The following KMT2E variants were observed in gnomAD, a reference collection of about 807,000 sequenced individuals.
KMT2E encodes the protein histone reader KMT2E.
Under a neutral mutation model 184.6 loss-of-function variants are expected in KMT2E, and 30 were observed. The ratio of observed to expected loss-of-function variants is 0.16; its 90% CI spans 0.12 to 0.22. The LOEUF is 0.22. Ranked by LOEUF, KMT2E falls within the 10% of genes least tolerant of loss-of-function variation. The pLI is 1.00. For missense variants in KMT2E, 2,023 were observed against 2,237.4 expected (o/e 0.90, Z 1.93); for synonymous variants, 815 against 776.5 (o/e 1.05, Z -0.82).
intron 3 of KMT2E, among the ~76,000 whole-genome samples, chr7:105,045,102 T>C (rs1398481777): frequency 6.6e-6 from 1 of 152,234 alleles, no homozygotes; most frequent in Non-Finnish European, 1.5e-5. Context: ...GATGTCCAAA[T>C]CCTTATGGTG....
intron 13 of KMT2E, among the ~76,000 whole-genome samples, chr7:105,082,983 T>A (rs1797817386): frequency 6.6e-6 from 1 of 152,208 alleles, no homozygotes; most frequent in African/African-American, 2.4e-5. Context: ...ATTTCTCTGG[T>A]GTGGTGTCTA....
chr7:105,105,828 C>G (rs1476118112), intron 18 of KMT2E, 31 bp from the exon 19 acceptor site: 1 of 1,596,852 alleles, frequency 6.3e-7, no homozygotes, highest in Admixed American at 1.8e-5. Flanking sequence ...CAAAGTGATT[C>G]CTGTTCATTC....
chr7:105,075,928 A>T lies in KMT2E; in HGVS notation c.730-115A>T, dbSNP rs1797507940. ...TCTCCTAGTGTCAGCTTTCTTGGTT[A>T]CCAAATTTTTTGTTATGACACTTCA... On this transcript the variant is annotated intron_variant, in intron 8 of 26. Transcript: ENST00000311117. 9.4e-6 allele frequency: 7 copies of T among 741,548 alleles called. No homozygotes were observed. The South Asian group carries it at 1.1e-4, about 12-fold the overall frequency. The allele number at this position is 741,548 out of a possible 1,614,324, so 45.9% of individuals were successfully genotyped here.
chr7:105,062,379 G>C, intron 4 of KMT2E, 101 bp downstream of exon 4: 2 of 665,868 alleles, frequency 3.0e-6, no homozygotes, highest in Non-Finnish European at 5.0e-6. Context: ...GAAAAGCATG[G>C]TTGTTTCATA....
rs540333731 is a variant in KMT2E, at chr7:105,107,636, G to A, written c.3179G>A (p.Arg1060Gln). ...NSQLDSTHSG[R>Q]GTMYSSWVKS... ...CAACTGGACTCGACTCACTCTGGAC[G>A]GGGCACAATGTATTCTTCCTGGGTA... Residue 1060 changes from arginine to glutamine, a missense_variant, in exon 22 of 27, where the codon CGG becomes CAG. Physicochemically the swap from Arg to Gln is conservative, Grantham distance 43. Transcript: ENST00000311117. 3 of 1,614,122 alleles carry A rather than the reference G, an allele frequency of 1.9e-6. No homozygotes were observed. Among genetic ancestry groups the A allele is most frequent in the South Asian group, 2.2e-5 (2 of 91,080 alleles).
intron 6 of KMT2E, among the ~76,000 whole-genome samples, chr7:105,071,608 ATTTTTTTTTTTTTTT>A (rs869055986): frequency 1.3e-4 from 4 of 31,878 alleles, no homozygotes; most frequent in Admixed American, 5.1e-4. Flanking sequence ...ATATATATAT[ATTTTTTTTTTTTTTT>A]TTTTTTTTTT....
intron 1 of KMT2E, among the ~76,000 whole-genome samples, chr7:105,028,294 G>T (rs1795255480): frequency 6.7e-6 from 1 of 150,178 alleles, no homozygotes; most frequent in South Asian, 2.1e-4. Flanking sequence ...TCAGGCTCCC[G>T]AGTAGGTGGG....
intron 3 of KMT2E, among the ~76,000 whole-genome samples, chr7:105,059,750 A>G (rs1346984053): frequency 6.6e-6 from 1 of 151,866 alleles, no homozygotes; most frequent in Non-Finnish European, 1.5e-5. Flanking sequence ...TTGTGTAGAT[A>G]TAATGATGCA....
At chr7:105,059,004 A>G (rs1021500433) in intron 3 of KMT2E, among the ~76,000 whole-genome samples, 7 of 152,218 alleles carry the variant, frequency 4.6e-5, no homozygotes, top group Non-Finnish European at 8.8e-5. Flanking sequence ...CTGAAGAGTA[A>G]GATATCAAAA....
At position 105,111,977 on chromosome 7, in the gene KMT2E, C is replaced by T; in HGVS notation, c.4221C>T (p.Asn1407=). 1 of 1,614,048 alleles carries T rather than the reference C, an allele frequency of 6.2e-7. No homozygotes were observed. The highest frequency in any genetic ancestry group is 1.1e-5 in the South Asian group (1 of 91,082). Residue 1407 remains asparagine (N), a synonymous_variant, in exon 27 of 27, where the codon AAC becomes AAT. Coordinates refer to ENST00000311117, the MANE Select transcript of KMT2E (RefSeq NM_182931.3). Reference sequence around the variant, plus strand: ...TCCAACAAAAACAGCTATCAAATAACAACCAAGCACTTTCAAAGAATCATC... The same window carrying T: ...TCCAACAAAAACAGCTATCAAATAATAACCAAGCACTTTCAAAGAATCATC... The part of the protein sequence containing the change: ...TELQQKQLSN[N]NQALSKNHPP...
intron 22 of KMT2E, among the ~76,000 whole-genome samples, chr7:105,108,211 T>G (rs1045060204): frequency 6.6e-6 from 1 of 152,044 alleles, no homozygotes; most frequent in African/African-American, 2.4e-5. Context: ...AACTAGGAAC[T>G]CCCCAACCAA....
intron 5 of KMT2E, 23 bp from the exon 6 acceptor site, chr7:105,066,704 T>A: frequency 1.3e-6 from 2 of 1,550,472 alleles, no homozygotes; most frequent in Non-Finnish European, 1.8e-6. Context: ...ATATTACATA[T>A]GTTCTGCTTT....
At chr7:105,108,390 A>C (rs1200082411) in intron 22 of KMT2E, among the ~76,000 whole-genome samples, 1 of 152,250 alleles carries the variant, frequency 6.6e-6, no homozygotes, top group Admixed American at 6.5e-5. Context: ...ATATTAAGTT[A>C]GTTCCCTGAT....
At chr7:105,071,552 G>GTGTA (rs1176824442) in intron 6 of KMT2E, among the ~76,000 whole-genome samples, 1 of 127,390 alleles carries the variant, frequency 7.8e-6, no homozygotes, top group African/African-American at 2.9e-5. Flanking sequence ...GTATGTGTGT[G>GTGTA]TGTATGTATG....
rs117635610 is a variant in KMT2E, at chr7:105,036,836, G to T, written c.-188-1290G>T. 3.0e-3 allele frequency among the ~76,000 whole-genome samples: 457 copies of T among 152,116 alleles called. 15 individuals carry two copies. The East Asian group carries it at 0.062, about 21-fold the overall frequency. On this transcript the variant is annotated intron_variant, in intron 1 of 26. Coordinates refer to ENST00000311117, the MANE Select transcript of KMT2E (RefSeq NM_182931.3). ...TTAGAATCTAAAATTCTGTCATTTT[G>T]ATTATTTGGAATAATCTGTTAATGT...
At position 105,046,699 on chromosome 7, in the gene KMT2E, A is replaced by G. The variant is rs183154533; in HGVS notation, c.71+5676A>G. ...GCCCTGGCAATTTGGGACATTTAGTATAGGAGAAAGTAGGTTTATAGAATT... is the reference window on the plus strand; with the variant it reads ...GCCCTGGCAATTTGGGACATTTAGTGTAGGAGAAAGTAGGTTTATAGAATT... On this transcript the variant is annotated intron_variant, in intron 3 of 26. Transcript: ENST00000311117. 3.7e-3 allele frequency among the ~76,000 whole-genome samples: 560 copies of G among 152,310 alleles called. 3 individuals are homozygous for G. The highest frequency in any genetic ancestry group is 0.013 in the African/African-American group (530 of 41,568).
intron 1 of KMT2E, among the ~76,000 whole-genome samples, chr7:105,029,646 A>T (rs1007255940): frequency 3.9e-5 from 6 of 152,128 alleles, no homozygotes; most frequent in Admixed American, 1.3e-4. Flanking sequence ...TATAATAGGA[A>T]ACTGGAACGA....
rs1351594170 is a variant in KMT2E, at chr7:105,094,089, G to A, written c.1722+2775G>A. 4.6e-5 allele frequency among the ~76,000 whole-genome samples: 7 copies of A among 152,278 alleles called. No individual in the cohort carries two copies. The East Asian group carries it at 1.3e-3, about 29-fold the overall frequency. On this transcript the variant is annotated intron_variant, in intron 15 of 26. Transcript: ENST00000311117. ...AGAATTTTTTGATGTAGTCAAATAA[G>A]CAGAATGAAAAATCATGCATCCTAG...
chr7:105,021,572 C>T (rs187585502), intron 1 of KMT2E, among the ~76,000 whole-genome samples: 8 of 152,236 alleles, frequency 5.3e-5, no homozygotes, highest in Admixed American at 1.3e-4. Flanking sequence ...ACAGATGGGC[C>T]TCACAGGAAT....
Sources: allele counts gnomAD v4.1 joint callset (sites outside exome capture counted in the v4.1 genomes callset), GRCh38; gene constraint gnomAD v4.1.1; transcripts MANE v1.5; gene names NCBI Gene and HGNC (gene_info 2026-07-23, HGNC 2026-07-21).